Variants in MACF1 observed in about 807,000 individuals in gnomAD.
The protein encoded by MACF1 is microtubule-actin cross-linking factor 1.
MACF1 carries 193 observed loss-of-function variants against 854.8 expected under a neutral mutation model. The ratio of observed to expected loss-of-function variants is 0.23; its 90% CI spans 0.20 to 0.25. The LOEUF (loss-of-function observed/expected upper bound fraction) is 0.25, where lower values mean the gene tolerates loss of function less well. MACF1 is among the 10% of genes least tolerant of loss of function. The probability of loss-of-function intolerance (pLI) is 1.00; values close to 1 mark genes in which losing one functional copy is unlikely to be tolerated. For missense variants in MACF1, 7,722 were observed against 8,929.1 expected (o/e 0.86, Z 5.45); for synonymous variants, 3,185 against 3,226.7 (o/e 0.99, Z 0.44).
intron 58 of MACF1, among the ~76,000 whole-genome samples, chr1:39,421,047 A>G (rs2148633999): frequency 6.6e-6 from 1 of 151,984 alleles, no homozygotes; most frequent in East Asian, 1.9e-4. Flanking sequence ...TTGTATTTTT[A>G]GTAGAGACAG....
In MACF1 at chr1:39,439,351, T is replaced by C; in HGVS notation, c.18298T>C (p.Phe6100Leu). Residue 6100 changes from phenylalanine (F) to leucine (L), a missense_variant, in exon 72 of 101, where the codon TTT (phenylalanine) becomes CTT (leucine). Phe to Leu is a conservative substitution (Grantham distance 22, BLOSUM62 0). Transcript: ENST00000564288. ...TCGGGCTGAAGAACGAGAAATCAAA[T>C]TTCTTGATGTCCTTGAATTAGCAGA... ...KARAEEREIK[F>L]LDVLELAEKF... The C allele has an allele frequency of 6.2e-7, 1 of 1,614,050 alleles. No individual in the cohort carries two copies. Among genetic ancestry groups the C allele is most frequent in the Non-Finnish European group, 8.5e-7 (1 of 1,179,966 alleles).
At chr1:39,391,090 GAC>G (rs1019563186) in intron 58 of MACF1, among the ~76,000 whole-genome samples, 2 of 149,954 alleles carry the variant, frequency 1.3e-5, no homozygotes, top group African/African-American at 5.0e-5. Context: ...CAGCCTGGGT[GAC>G]AGAGTGAGAC....
chr1:39,419,858 G>A (rs1219001583), intron 58 of MACF1, among the ~76,000 whole-genome samples: 4 of 145,898 alleles, frequency 2.7e-5, no homozygotes, highest in Admixed American at 7.0e-5. Context: ...TAGTAGAGAC[G>A]AGGTTTCGCC....
At chr1:39,444,259 C>T (rs1644178814) in intron 79 of MACF1, among the ~76,000 whole-genome samples, 2 of 151,684 alleles carry the variant, frequency 1.3e-5, no homozygotes, top group Non-Finnish European at 2.9e-5. Context: ...GGTGTGAACC[C>T]GGGAGGCGGA....
At chr1:39,212,478 GA>G (rs1352098674) in intron 1 of MACF1, among the ~76,000 whole-genome samples, 3 of 152,110 alleles carry the variant, frequency 2.0e-5, no homozygotes, top group Non-Finnish European at 4.4e-5. Flanking sequence ...GAATTTAGGA[GA>G]TGGCAGATTT....
intron 6 of MACF1, among the ~76,000 whole-genome samples, chr1:39,263,084 C>T: frequency 6.6e-6 from 1 of 150,868 alleles, no homozygotes; most frequent in East Asian, 2.0e-4. Flanking sequence ...GCTGTTCTCA[C>T]CAAGAACATA....
chr1:39,334,792 T>G lies in MACF1; in HGVS notation c.8204T>G (p.Phe2735Cys), dbSNP rs527650909. 1 of 1,614,134 alleles carries G rather than the reference T, an allele frequency of 6.2e-7. No individual in the cohort carries two copies. ...TTAAATGGAGGAATTGTTGACATAT[T>G]TAGTGATCAGAGAGTGACTTTAGTA... is the stretch of plus-strand genomic sequence containing the variant. ...QVLNGGIVDI[F>C]SDQRVTLVEA... The change falls in exon 37 of 101, where the codon TTT becomes TGT. Residue 2735 changes from phenylalanine (F) to cysteine (C), a missense_variant. By Grantham distance (205) the Phe-to-Cys change is radical (BLOSUM62 -2). Transcript: ENST00000564288.
chr1:39,304,602 C>CA, intron 23 of MACF1: 1 of 669,750 alleles, frequency 1.5e-6, no homozygotes, highest in African/African-American at 1.9e-5. Context: ...CTTGCTCTGT[C>CA]GCTCAGGCTG....
At chr1:39,155,280 G>GA (rs1408259590) in intron 2 of MACF1, among the ~76,000 whole-genome samples, 1 of 152,142 alleles carries the variant, frequency 6.6e-6, no homozygotes, top group African/African-American at 2.4e-5. Flanking sequence ...TTTTAATGGT[G>GA]AAACACACAG....
At position 39,440,105 on chromosome 1, in the gene MACF1, TCTTTTC is replaced by T. The variant is rs1557655934; in HGVS notation, c.18447+606_18447+611del. On this transcript the variant is annotated intron_variant, in intron 72 of 100. Coordinates refer to ENST00000564288, the MANE Select transcript of MACF1 (RefSeq NM_001394062.1). The stretch of plus-strand genomic sequence containing the variant: ...TCTTTTCTTTTCTTTTCTTTTCTTT[TCTTTTC>T]TTTTTTTTTTTTTTTTTTGGAGACA... Among the ~76,000 whole-genome samples the T allele has an allele frequency of 3.9e-3, 392 of 101,576 alleles. 11 individuals carry two copies. Among genetic ancestry groups the T allele is most frequent in the East Asian group, 0.015 (58 of 3,842 alleles). The allele number at this position is 101,576 out of a possible 152,430, so 66.6% of individuals were successfully genotyped here.
At chr1:39,413,032 G>A (rs375115807) in intron 58 of MACF1, 6 of 1,587,104 alleles carry the variant, frequency 3.8e-6, no homozygotes, top group African/African-American at 1.3e-5. Context: ...GACTGCTGCA[G>A]TTGCTGCAGT....
chr1:39,258,156 G>A (rs987144564), intron 6 of MACF1, 128 bp downstream of exon 6: 1 of 775,012 alleles, frequency 1.3e-6, no homozygotes, highest in African/African-American at 1.8e-5. Context: ...GTGGATGGGA[G>A]TTGGAAAGGA....
At chr1:39,307,885 TTTTC>T (rs1246111701) in intron 23 of MACF1, among the ~76,000 whole-genome samples, 4 of 141,074 alleles carry the variant, frequency 2.8e-5, no homozygotes, top group Non-Finnish European at 4.6e-5. Flanking sequence ...ATTATTTCTC[TTTTC>T]TTTCTTTCTT....
intron 58 of MACF1, among the ~76,000 whole-genome samples, chr1:39,391,504 C>T (rs926712413): frequency 1.3e-5 from 2 of 152,188 alleles, no homozygotes; most frequent in Non-Finnish European, 2.9e-5. Context: ...CTTTTCACTG[C>T]TGTCATTTGG....
chr1:39,213,931 G>A (rs1363968305), intron 1 of MACF1, among the ~76,000 whole-genome samples: 1 of 152,178 alleles, frequency 6.6e-6, no homozygotes, highest in Non-Finnish European at 1.5e-5. Flanking sequence ...TTTGTAGGTG[G>A]GAGGGATACC....
At chr1:39,454,793 C>G in intron 88 of MACF1, 116 bp from the exon 89 acceptor site, 3 of 902,986 alleles carry the variant, frequency 3.3e-6, no homozygotes, top group Non-Finnish European at 5.0e-6. Context: ...GAGCGAGAGT[C>G]TGTCTCCAAA....
intron 2 of MACF1, among the ~76,000 whole-genome samples, chr1:39,167,246 G>A (rs1353968351): frequency 1.3e-5 from 2 of 151,510 alleles, no homozygotes; most frequent in African/African-American, 4.8e-5. Flanking sequence ...ACAGGCTTGA[G>A]CCACCGCACA....
chr1:39,326,253 G>A (rs961390652), intron 35 of MACF1, among the ~76,000 whole-genome samples: 2 of 152,174 alleles, frequency 1.3e-5, no homozygotes, highest in African/African-American at 4.8e-5. Flanking sequence ...ACATAATGTG[G>A]AATGAAAAAA....
At chr1:39,440,527 G>A (rs969034350) in intron 72 of MACF1, among the ~76,000 whole-genome samples, 1 of 151,914 alleles carries the variant, frequency 6.6e-6, no homozygotes, top group Non-Finnish European at 1.5e-5. Flanking sequence ...TTTTCATAGA[G>A]AAATTCTTTC....
Sources: allele counts gnomAD v4.1 joint callset (sites outside exome capture counted in the v4.1 genomes callset), GRCh38; gene constraint gnomAD v4.1.1; transcripts MANE v1.5; gene names NCBI Gene and HGNC (gene_info 2026-07-23, HGNC 2026-07-21).